Variants in DRD2 observed in about 807,000 individuals in gnomAD.
DRD2 encodes D(2) dopamine receptor.
A neutral mutation model predicts 38.0 loss-of-function variants in DRD2; 8 were observed. The observed-to-expected ratio is 0.21, with a 90% CI of 0.12 to 0.38. DRD2 has a LOEUF of 0.38. DRD2 is among the 10% of genes least tolerant of loss of function. The pLI is 1.00. For missense variants in DRD2, 403 were observed against 607.7 expected (o/e 0.66, Z 3.54); for synonymous variants, 230 against 238.6 (o/e 0.96, Z 0.33).
In DRD2 at chr11:113,415,439, G is replaced by C. The variant is rs1374391518; in HGVS notation, c.705C>G (p.His235Gln). 6.2e-7 allele frequency: 1 copy of C among 1,613,544 alleles called. No homozygotes were observed. Reference sequence around the variant, plus strand: ...TTGAGACCTTTAGTGGAGCCCTCAGGTGGGCCCTGAAAGCTCGGCTGCTGC... The same window carrying C: ...TTGAGACCTTTAGTGGAGCCCTCAGCTGGGCCCTGAAAGCTCGGCTGCTGC... ...TKRSSRAFRAHLRAPLKGNCT... is the reference protein window; with the variant it reads ...TKRSSRAFRAQLRAPLKGNCT... The change falls in exon 5 of 8, where the codon CAC becomes CAG. Residue 235 changes from histidine (H) to glutamine (Q), a missense_variant. Around this residue, in one of 4 missense-constraint regions of DRD2, gnomAD observed 166 missense variants for 178.6 expected, o/e 0.93. Transcript: ENST00000362072.
rs79033935 is a variant in DRD2, at chr11:113,446,471, A to G, written c.-31-21789T>C. On this transcript the variant is annotated intron_variant, in intron 1 of 7. Transcript: ENST00000362072. ...CTAAAAGCAACCTTAAAAGGGAAAC[A>G]TTACTAATCCTTTTTCACAGATAAT... is the stretch of plus-strand genomic sequence containing the variant. Among the ~76,000 whole-genome samples the G allele has an allele frequency of 4.2e-3, 639 of 152,346 alleles. 3 individuals carry two copies. Among genetic ancestry groups the G allele is most frequent in the African/African-American group, 0.014 (596 of 41,576 alleles).
intron 1 of DRD2, among the ~76,000 whole-genome samples, chr11:113,447,971 G>T (rs1171730540): frequency 2.0e-5 from 3 of 152,124 alleles, no homozygotes; most frequent in African/African-American, 7.2e-5. Flanking sequence ...TCAGTCTGGG[G>T]ACAACTGTCT....
chr11:113,410,935 A>G lies in DRD2; in HGVS notation c.1139-15T>C. On this transcript the variant is annotated splice_polypyrimidine_tract_variant and intron_variant, in intron 7 of 7. Coordinates refer to ENST00000362072, the MANE Select transcript of DRD2 (RefSeq NM_000795.4). ...GATGAACACGCCTGGGGGAGAGGGCATGGTCAGGCTGGTCCCCAGAGCCGG... is the reference window on the plus strand; with the variant it reads ...GATGAACACGCCTGGGGGAGAGGGCGTGGTCAGGCTGGTCCCCAGAGCCGG... The G allele has an allele frequency of 1.2e-6, 2 of 1,603,872 alleles. No homozygotes were observed. Among genetic ancestry groups the G allele is most frequent in the Non-Finnish European group, 1.7e-6 (2 of 1,172,920 alleles).
rs200744960 is a variant in DRD2, at chr11:113,410,307, T to G, written c.*420A>C. 1.1e-5 allele frequency: 4 copies of G among 353,646 alleles called. No homozygotes were observed. The highest frequency in any genetic ancestry group is 2.2e-5 in the Non-Finnish European group (4 of 185,658). The allele number at this position is 353,646 out of a possible 1,614,324, so 21.9% of individuals were successfully genotyped here. ...CCTGTGGGCCTTGCAGGGTGTGAAC[T>G]GTCCATCTCTCCCCACCGCCTGCTC... is the stretch of plus-strand genomic sequence containing the variant. On this transcript the variant is annotated 3_prime_UTR_variant, in exon 8 of 8. Coordinates refer to ENST00000362072, the MANE Select transcript of DRD2 (RefSeq NM_000795.4).
At chr11:113,460,042 G>T (rs911609555) in intron 1 of DRD2, among the ~76,000 whole-genome samples, 16 of 152,216 alleles carry the variant, frequency 1.1e-4, no homozygotes, top group African/African-American at 3.9e-4. Flanking sequence ...GCTCTACTTT[G>T]CATTTCTTTG....
At chr11:113,429,577 G>C (rs1223992483) in intron 1 of DRD2, among the ~76,000 whole-genome samples, 2 of 152,162 alleles carry the variant, frequency 1.3e-5, no homozygotes, top group Admixed American at 6.5e-5. Flanking sequence ...CCTGGTGTCA[G>C]TCCTGGTTTC....
chr11:113,436,808 A>G (rs1951043537), intron 1 of DRD2, among the ~76,000 whole-genome samples: 1 of 152,206 alleles, frequency 6.6e-6, no homozygotes, highest in Non-Finnish European at 1.5e-5. Context: ...TCCCTAAGAA[A>G]ACAGATGGGT....
At chr11:113,464,953 G>A (rs1254548588) in intron 1 of DRD2, among the ~76,000 whole-genome samples, 2 of 152,096 alleles carry the variant, frequency 1.3e-5, no homozygotes, top group East Asian at 3.9e-4. Context: ...GCGAATTTAA[G>A]ATATCTTTTC....
chr11:113,443,012 G>T (rs1327169681), intron 1 of DRD2, among the ~76,000 whole-genome samples: 1 of 152,124 alleles, frequency 6.6e-6, no homozygotes, highest in Non-Finnish European at 1.5e-5. Context: ...GGGAGAGGAG[G>T]ATTCTGGTCC....
chr11:113,451,656 A>T (rs1951210934), intron 1 of DRD2, among the ~76,000 whole-genome samples: 1 of 151,944 alleles, frequency 6.6e-6, no homozygotes, highest in Non-Finnish European at 1.5e-5. Context: ...ACGCCCGGCT[A>T]ATTTTGTATT....
chr11:113,414,508 AG>A lies in DRD2; in HGVS notation c.724-48del, dbSNP rs751849880. On this transcript the variant is annotated intron_variant, in intron 5 of 7. Transcript: ENST00000362072. Reference sequence around the variant, plus strand: ...GGGTCACACAAAGTGGTGGGGATGGAGGGGGGACAGAAACCCAAAGTGCAGC... The same window carrying A: ...GGGTCACACAAAGTGGTGGGGATGGAGGGGGACAGAAACCCAAAGTGCAGC... 2.5e-6 allele frequency: 4 copies of A among 1,605,380 alleles called. No individual in the cohort carries two copies. The East Asian group carries it at 6.7e-5, about 27-fold the overall frequency.
intron 1 of DRD2, among the ~76,000 whole-genome samples, chr11:113,430,729 A>G (rs1950977908): frequency 6.6e-6 from 1 of 152,182 alleles, no homozygotes; most frequent in Non-Finnish European, 1.5e-5. Flanking sequence ...GAGTGAGGAA[A>G]GGTTCTCAGT....
chr11:113,459,873 G>A (rs145041159), intron 1 of DRD2, among the ~76,000 whole-genome samples: 3 of 152,188 alleles, frequency 2.0e-5, no homozygotes, highest in Admixed American at 6.5e-5. Context: ...GTGCATGCAC[G>A]TATCAAATTG....
chr11:113,427,957 G>T (rs1187684122), intron 1 of DRD2, among the ~76,000 whole-genome samples: 1 of 152,178 alleles, frequency 6.6e-6, no homozygotes, highest in African/African-American at 2.4e-5. Context: ...CATCAGGGAT[G>T]CGCGCACAGA....
chr11:113,462,361 G>A (rs1951330271), intron 1 of DRD2, among the ~76,000 whole-genome samples: 1 of 152,170 alleles, frequency 6.6e-6, no homozygotes, highest in African/African-American at 2.4e-5. Flanking sequence ...AGTGGTCTTT[G>A]CAGACATTAT....
chr11:113,416,532 C>T (rs1337853793), intron 4 of DRD2, among the ~76,000 whole-genome samples: 1 of 152,244 alleles, frequency 6.6e-6, no homozygotes, highest in East Asian at 1.9e-4. Context: ...TTCATGTGCA[C>T]ATATACACAC....
intron 2 of DRD2, among the ~76,000 whole-genome samples, chr11:113,420,011 C>T (rs577167812): frequency 6.6e-6 from 1 of 152,170 alleles, no homozygotes; most frequent in Non-Finnish European, 1.5e-5. Context: ...GCCCATTTTG[C>T]GGGTGGAGGC....
intron 1 of DRD2, among the ~76,000 whole-genome samples, chr11:113,442,537 A>T (rs1591291374): frequency 6.6e-6 from 1 of 151,378 alleles, no homozygotes; most frequent in South Asian, 2.1e-4. Context: ...TGATTTTCTC[A>T]CCTCCCCAGC....
At chr11:113,458,001 C>T (rs1951283122) in intron 1 of DRD2, among the ~76,000 whole-genome samples, 1 of 152,258 alleles carries the variant, frequency 6.6e-6, no homozygotes, top group Non-Finnish European at 1.5e-5. Context: ...GATCTGTGCC[C>T]TCCTGGGTGG....
Sources: gnomAD v4.1 joint callset for allele counts (sites outside exome capture counted in the v4.1 genomes callset) on GRCh38, gnomAD v4.1.1 for gene constraint, gnomAD v4.1.1 regional missense constraint, MANE v1.5 for transcripts, NCBI Gene and HGNC (gene_info 2026-07-23, HGNC 2026-07-21) for gene names.